The following TCF7L1 variants were observed in gnomAD, a reference collection of about 807,000 sequenced individuals.
TCF7L1 encodes transcription factor 7 like 1.
In TCF7L1, 18 loss-of-function variants were observed where a neutral mutation model predicts 63.7. The observed-to-expected ratio is 0.28, with a 90% confidence interval of 0.20 to 0.42. The LOEUF (loss-of-function observed/expected upper bound fraction) is 0.42. Ranked by LOEUF, TCF7L1 falls within the 10% of genes least tolerant of loss-of-function variation. The pLI, the probability that TCF7L1 is intolerant of heterozygous loss-of-function variation, is 1.00. For missense variants in TCF7L1, 654 were observed against 779.3 expected, an observed-to-expected ratio of 0.84 and a Z score of 1.91; for synonymous variants, 355 against 340.9, an observed-to-expected ratio of 1.04 and a Z score of -0.46.
At chr2:85,286,434 T>C (rs1681555542) in intron 4 of TCF7L1, among the ~76,000 whole-genome samples, 1 of 152,066 alleles carries the variant, frequency 6.6e-6, no homozygotes, top group Non-Finnish European at 1.5e-5. Flanking sequence ...CTCAACACTT[T>C]GGGAGGCCAA....
chr2:85,287,016 A>G (rs2104372674), intron 4 of TCF7L1, among the ~76,000 whole-genome samples: 1 of 152,318 alleles, frequency 6.6e-6, no homozygotes, highest in South Asian at 2.1e-4. Context: ...CTGAGAAATG[A>G]AAGAAAAACC....
intron 3 of TCF7L1, among the ~76,000 whole-genome samples, chr2:85,251,743 G>C (rs1680592307): frequency 6.6e-6 from 1 of 152,152 alleles, no homozygotes; most frequent in Non-Finnish European, 1.5e-5. Flanking sequence ...CCTTAAACTA[G>C]CTGACAGTTT....
chr2:85,260,289 C>T (rs1680829434), intron 3 of TCF7L1, among the ~76,000 whole-genome samples: 1 of 152,088 alleles, frequency 6.6e-6, no homozygotes, highest in African/African-American at 2.4e-5. Context: ...TGGCAGGGGA[C>T]TGGAATTTAA....
rs187325146 is a variant in TCF7L1 at position 85,224,760 on chromosome 2, T to C, written c.442-58735T>C. Among the ~76,000 whole-genome samples the C allele has an allele frequency of 4.6e-5, 7 of 152,370 alleles. No homozygotes were observed. In the East Asian group the frequency reaches 1.2e-3, roughly 25 times the overall value. On this transcript the variant is annotated intron_variant, in intron 3 of 11. Transcript: ENST00000282111. ...GCCTGTTCACTCTGATGATAGTATCTTTTGCTGTGCAGAAGCTCTTTAATT... is the reference window on the plus strand; with the variant it reads ...GCCTGTTCACTCTGATGATAGTATCCTTTGCTGTGCAGAAGCTCTTTAATT...
At chr2:85,179,226 C>T (rs750089596) in intron 3 of TCF7L1, among the ~76,000 whole-genome samples, 1 of 152,178 alleles carries the variant, frequency 6.6e-6, no homozygotes, top group Non-Finnish European at 1.5e-5. Context: ...ATTGGGACCA[C>T]CTGTGGTTTG....
chr2:85,258,674 C>T lies in TCF7L1; in HGVS notation c.442-24821C>T, dbSNP rs533819226. Among the ~76,000 whole-genome samples the T allele has an allele frequency of 2.6e-4, 39 of 152,274 alleles. No individual in the cohort carries two copies. The South Asian group carries it at 7.7e-3, about 30-fold the overall frequency. Reference sequence around the variant, plus strand: ...GAGAATGTATTTAACAGTTTGTCAGCTTGAGTTATAACTTTTACATGTGTA... The same window carrying T: ...GAGAATGTATTTAACAGTTTGTCAGTTTGAGTTATAACTTTTACATGTGTA... On this transcript the variant is annotated intron_variant, in intron 3 of 11. Transcript: ENST00000282111.
At chr2:85,238,792 TATTTATTTATTTA>T (rs1680254089) in intron 3 of TCF7L1, among the ~76,000 whole-genome samples, 1 of 113,596 alleles carries the variant, frequency 8.8e-6, no homozygotes, top group East Asian at 2.2e-4. Flanking sequence ...TTTATTTATT[TATTTATTTATTTA>T]TTTATTTATT....
At position 85,169,257 on chromosome 2, in the gene TCF7L1, G is replaced by A. The variant is rs543741102; in HGVS notation, c.441+34807G>A. Among the ~76,000 whole-genome samples the A allele has an allele frequency of 3.3e-5, 5 of 151,862 alleles. No individual in the cohort carries two copies. In the South Asian group the frequency reaches 1.0e-3, roughly 32 times the overall value. The stretch of plus-strand genomic sequence containing the variant: ...CTTCCCCACTGAACACACCTAGTGC[G>A]CTTCTACCTCCTTCCAGACTCTACC... On this transcript the variant is annotated intron_variant, in intron 3 of 11. Transcript: ENST00000282111.
chr2:85,154,422 A>G (rs1417359070), intron 3 of TCF7L1, among the ~76,000 whole-genome samples: 3 of 152,212 alleles, frequency 2.0e-5, no homozygotes, highest in Non-Finnish European at 4.4e-5. Context: ...TCATTTCTGC[A>G]GGACTTCTCA....
intron 3 of TCF7L1, among the ~76,000 whole-genome samples, chr2:85,259,836 A>G (rs960136910): frequency 1.3e-5 from 2 of 152,204 alleles, no homozygotes; most frequent in African/African-American, 4.8e-5. Flanking sequence ...TGAATGAGGA[A>G]AGGAAAAAGG....
At position 85,133,952 on chromosome 2, in the gene TCF7L1, C is replaced by A; in HGVS notation, c.249+19C>A. 6.4e-7 allele frequency: 1 copy of A among 1,556,046 alleles called. No individual in the cohort carries two copies. Among genetic ancestry groups the A allele is most frequent in the Non-Finnish European group, 8.7e-7 (1 of 1,148,052 alleles). ...CTCGGAGGTAAGGAAGCACCGCGGC[C>A]ACCCCCGGGGGATCCCGGCCCTGCG... On this transcript the variant is annotated intron_variant, in intron 1 of 11. Coordinates refer to ENST00000282111, the MANE Select transcript of TCF7L1 (RefSeq NM_031283.3). This position sits in a 1 kb window ranked among gnomAD's most constrained non-coding sequence, Gnocchi z 4.4.
chr2:85,275,919 C>CAAA (rs10657618), intron 3 of TCF7L1, among the ~76,000 whole-genome samples: 28,693 of 106,338 alleles, frequency 0.27, 4,744 homozygotes, highest in East Asian at 0.63. Flanking sequence ...GACTCCATCT[C>CAAA]AAAAAAAAAA....
At chr2:85,273,707 C>T (rs1681207768) in intron 3 of TCF7L1, among the ~76,000 whole-genome samples, 1 of 152,206 alleles carries the variant, frequency 6.6e-6, no homozygotes, top group South Asian at 2.1e-4. Flanking sequence ...CAAGGGTGTT[C>T]ACTGCAGCAG....
chr2:85,220,353 TA>T (rs969400514), intron 3 of TCF7L1, among the ~76,000 whole-genome samples: 10 of 150,194 alleles, frequency 6.7e-5, no homozygotes, highest in Admixed American at 2.7e-4. Flanking sequence ...TTTCTGTACT[TA>T]AAAAAAAATA....
chr2:85,282,794 T>TTGTGTGTGTGTGTGTG lies in TCF7L1; in HGVS notation c.442-667_442-652dup, dbSNP rs59628868. 4.9e-4 allele frequency among the ~76,000 whole-genome samples: 58 copies of TTGTGTGTGTGTGTGTG among 119,224 alleles called. 2 individuals are homozygous for TTGTGTGTGTGTGTGTG. The highest frequency in any genetic ancestry group is 4.8e-3 in the Middle Eastern group (1 of 208). 78.2% of individuals were successfully genotyped at this position (119,224 alleles called of 152,430 possible). A position where few individuals can be genotyped will look rare whatever the true frequency, so the allele number is the denominator to read the frequency against. ...GTGCCATGCCAGAGAGAGAGAGAGA[T>TTGTGTGTGTGTGTGTG]TGTGTGTGTGTGTGTGTGTGTGTGT... On this transcript the variant is annotated intron_variant, in intron 3 of 11. Coordinates refer to ENST00000282111, the MANE Select transcript of TCF7L1 (RefSeq NM_031283.3).
chr2:85,211,920 T>C (rs1340048364), intron 3 of TCF7L1, among the ~76,000 whole-genome samples: 1 of 151,628 alleles, frequency 6.6e-6, no homozygotes, highest in Non-Finnish European at 1.5e-5. Context: ...TGAAACCCCA[T>C]CTCTAGTAAA....
intron 3 of TCF7L1, among the ~76,000 whole-genome samples, chr2:85,276,933 G>C (rs2104361863): frequency 6.6e-6 from 1 of 152,262 alleles, no homozygotes; most frequent in East Asian, 1.9e-4. Context: ...GACCTTGGGA[G>C]GAAATGGGTT....
intron 3 of TCF7L1, among the ~76,000 whole-genome samples, chr2:85,182,989 G>A (rs985108539): frequency 6.6e-6 from 1 of 152,176 alleles, no homozygotes; most frequent in African/African-American, 2.4e-5. Context: ...CCGCTCTAGG[G>A]CTTCGTGGTT....
chr2:85,294,301 G>T (rs536559957), intron 4 of TCF7L1, among the ~76,000 whole-genome samples: 1 of 152,270 alleles, frequency 6.6e-6, no homozygotes, highest in South Asian at 2.1e-4. Flanking sequence ...CTCCCAAAGT[G>T]CTGGGATTAC....
Sources: gnomAD v4.1 joint callset for allele counts (sites outside exome capture counted in the v4.1 genomes callset) on GRCh38, gnomAD v4.1.1 for gene constraint, Gnocchi (gnomAD v3.1) non-coding constraint, MANE v1.5 for transcripts, NCBI Gene and HGNC (gene_info 2026-07-23, HGNC 2026-07-21) for gene names.